PPP1R21: variants seen among roughly 807,000 people sequenced by gnomAD.
The protein encoded by PPP1R21 is protein phosphatase 1 regulatory subunit 21.
A neutral mutation model predicts 112.8 loss-of-function variants in PPP1R21; 85 were observed. The ratio of observed to expected loss-of-function variants is 0.75; its 90% CI spans 0.63 to 0.90. The LOEUF is 0.90. PPP1R21 is among the 40% of genes least tolerant of loss of function. The pLI, the probability that PPP1R21 is intolerant of heterozygous loss-of-function variation, is 0.00. For synonymous variants in PPP1R21, 381 were observed against 322.3 expected (o/e 1.18, Z -1.95); for missense variants, 1,199 against 901.5 (o/e 1.33, Z -4.23).
Position 48,514,977 on chromosome 2 carries a change from G to A in PPP1R21, c.*233G>A, listed in dbSNP as rs1438485478. Reference sequence around the variant, plus strand: ...AAATGGAAAACAATACGTATGTCATGGATATTGTAGGTTTCCTTATGCTGT... The same window carrying A: ...AAATGGAAAACAATACGTATGTCATAGATATTGTAGGTTTCCTTATGCTGT... On this transcript the variant is annotated 3_prime_UTR_variant, in exon 22 of 22. Coordinates refer to ENST00000294952, the MANE Select transcript of PPP1R21 (RefSeq NM_001135629.3). 10 of 507,284 alleles carry A rather than the reference G, an allele frequency of 2.0e-5. No homozygotes were observed. The highest frequency in any genetic ancestry group is 3.5e-5 in the Non-Finnish European group (10 of 289,164). The allele number at this position is 507,284 out of a possible 1,614,324, so 31.4% of individuals were successfully genotyped here.
At chr2:48,461,321 C>T (rs1228641927) in intron 7 of PPP1R21, 89 bp downstream of exon 7, 10 of 1,369,686 alleles carry the variant, frequency 7.3e-6, no homozygotes, top group Non-Finnish European at 9.4e-6. Flanking sequence ...ATCTTTTGGG[C>T]AAAAAATTTA....
At chr2:48,470,294 G>C (rs1668441856) in intron 9 of PPP1R21, among the ~76,000 whole-genome samples, 1 of 152,004 alleles carries the variant, frequency 6.6e-6, no homozygotes, top group Non-Finnish European at 1.5e-5. Flanking sequence ...GAGGTGGGTG[G>C]ATCACCTGAG....
chr2:48,447,682 C>G (rs528952212), intron 1 of PPP1R21, among the ~76,000 whole-genome samples: 26 of 152,306 alleles, frequency 1.7e-4, no homozygotes, highest in African/African-American at 6.0e-4. Context: ...GATGTGGTGA[C>G]TCATGACTGT....
intron 11 of PPP1R21, among the ~76,000 whole-genome samples, chr2:48,473,014 A>G (rs1229383204): frequency 1.3e-5 from 2 of 150,624 alleles, no homozygotes; most frequent in Admixed American, 6.6e-5. Flanking sequence ...AAAAAAAAAA[A>G]AAAAGAAAAG....
chr2:48,465,635 A>C lies in PPP1R21; in HGVS notation c.890A>C (p.Asn297Thr). Residue 297 changes from asparagine (N) to threonine (T), a missense_variant, in exon 9 of 22, where the codon AAT becomes ACT. Transcript: ENST00000294952. ...GCCATTGACACTATATCTCCATTGA[A>C]TCAGAAGGTAAATTTAATTCAGGAT... ...DSAIDTISPL[N>T]QKFSQYLHEN... 6.2e-7 allele frequency: 1 copy of C among 1,609,032 alleles called. No homozygotes were observed. The highest frequency in any genetic ancestry group is 8.5e-7 in the Non-Finnish European group (1 of 1,178,736).
intron 13 of PPP1R21, among the ~76,000 whole-genome samples, chr2:48,483,819 A>G (rs1225239139): frequency 6.6e-6 from 1 of 151,908 alleles, no homozygotes; most frequent in African/African-American, 2.4e-5. Flanking sequence ...CCAAAATGTC[A>G]ATTTAGTGTA....
chr2:48,472,646 T>G (rs1236171312), intron 11 of PPP1R21, among the ~76,000 whole-genome samples: 1 of 151,416 alleles, frequency 6.6e-6, no homozygotes, highest in African/African-American at 2.4e-5. Context: ...AAAGGTTAAT[T>G]ACTTACAGAT....
intron 15 of PPP1R21, among the ~76,000 whole-genome samples, chr2:48,491,382 A>G (rs750910663): frequency 1.6e-4 from 25 of 152,162 alleles, no homozygotes; most frequent in Non-Finnish European, 2.9e-4. Flanking sequence ...TTCGTAGGCC[A>G]TGTTGGACTC....
At position 48,450,994 on chromosome 2, in the gene PPP1R21, TTC is replaced by T. The variant is rs1667445304; in HGVS notation, c.58-10_58-9del. On this transcript the variant is annotated splice_polypyrimidine_tract_variant and intron_variant, in intron 1 of 21. Coordinates refer to ENST00000294952, the MANE Select transcript of PPP1R21 (RefSeq NM_001135629.3). ...TTTATATTAGAAATTGATTATTGCT[TTC>T]TCTGTTTTCAGCTTCGGGCTCAGAA... The T allele has an allele frequency of 1.9e-6, 3 of 1,611,704 alleles. No individual in the cohort carries two copies. Among genetic ancestry groups the T allele is most frequent in the Non-Finnish European group, 2.5e-6 (3 of 1,178,000 alleles).
At position 48,440,812 on chromosome 2, in the gene PPP1R21, CGCGGCGGCG is replaced by C. The variant is rs34664331; in HGVS notation, c.-127_-119del. ...GGGAACCCGGAAGTGGAGGAGGAGG[CGCGGCGGCG>C]GCGGCGGCGGCGGCTGCGGTGGCCA... On this transcript the variant is annotated 5_prime_UTR_variant, in exon 1 of 22. Transcript: ENST00000294952. 2.5e-4 allele frequency: 155 copies of C among 626,736 alleles called. No homozygotes were observed. The highest frequency in any genetic ancestry group is 1.9e-3 in the African/African-American group (97 of 51,472). The allele number at this position is 626,736 out of a possible 1,614,324, so 38.8% of individuals were successfully genotyped here.
chr2:48,477,448 G>T (rs1219114296), intron 12 of PPP1R21, among the ~76,000 whole-genome samples: 5 of 152,110 alleles, frequency 3.3e-5, no homozygotes, highest in Non-Finnish European at 5.9e-5. Flanking sequence ...TATGGTGCCT[G>T]TGCCTATGCA....
chr2:48,461,224 A>G lies in PPP1R21; in HGVS notation c.686A>G (p.Asn229Ser), dbSNP rs758906377. 5.1e-6 allele frequency: 8 copies of G among 1,578,314 alleles called. No homozygotes were observed. Among genetic ancestry groups the G allele is most frequent in the South Asian group, 1.2e-5 (1 of 83,284 alleles). The change falls in exon 7 of 22, where the codon AAT becomes AGT. Residue 229 changes from asparagine (N) to serine (S), a missense_variant. By Grantham distance (46) the Asn-to-Ser change is conservative. Coordinates refer to ENST00000294952, the MANE Select transcript of PPP1R21 (RefSeq NM_001135629.3). ...ATCATCAATGAAAAAGTACCTTTTAATGATACAAGTAGGTATTATGTACAG... is the reference window on the plus strand; with the variant it reads ...ATCATCAATGAAAAAGTACCTTTTAGTGATACAAGTAGGTATTATGTACAG... Reference protein sequence around the residue: ...LSIINEKVPFNDTKYSQYNAL... With the variant: ...LSIINEKVPFSDTKYSQYNAL...
At chr2:48,510,993 C>T (rs950746545) in intron 20 of PPP1R21, among the ~76,000 whole-genome samples, 8 of 152,108 alleles carry the variant, frequency 5.3e-5, no homozygotes, top group Admixed American at 4.6e-4. Context: ...GTCAATTGAT[C>T]AGATAGACCA....
At chr2:48,497,267 C>A (rs989064261) in intron 16 of PPP1R21, among the ~76,000 whole-genome samples, 1 of 152,162 alleles carries the variant, frequency 6.6e-6, no homozygotes, top group African/African-American at 2.4e-5. Flanking sequence ...TGGGGAAATA[C>A]CCCACATATT....
intron 1 of PPP1R21, among the ~76,000 whole-genome samples, chr2:48,448,002 A>C (rs1667322711): frequency 6.6e-6 from 1 of 152,102 alleles, no homozygotes; most frequent in Non-Finnish European, 1.5e-5. Context: ...CAGGCTAATA[A>C]GAGCAGCTCA....
intron 16 of PPP1R21, among the ~76,000 whole-genome samples, chr2:48,497,797 G>C (rs777061567): frequency 1.3e-3 from 197 of 151,920 alleles, no homozygotes; most frequent in Middle Eastern, 3.4e-3. Flanking sequence ...GACTACAGGC[G>C]CCCGCCGCCA....
chr2:48,465,438 C>G (rs950060609), intron 8 of PPP1R21, 55 bp from the exon 9 acceptor site: 3 of 1,509,642 alleles, frequency 2.0e-6, no homozygotes, highest in Non-Finnish European at 2.7e-6. Context: ...CAATAAAGTT[C>G]TTTTAGGATA....
At chr2:48,461,732 A>G (rs1667986741) in intron 7 of PPP1R21, among the ~76,000 whole-genome samples, 1 of 152,228 alleles carries the variant, frequency 6.6e-6, no homozygotes, top group South Asian at 2.1e-4. Flanking sequence ...AAAAAATACT[A>G]CTTTACATGT....
At position 48,461,895 on chromosome 2, in the gene PPP1R21, C is replaced by T. The variant is rs547438642; in HGVS notation, c.694+663C>T. Among the ~76,000 whole-genome samples the T allele has an allele frequency of 3.1e-4, 47 of 151,970 alleles. 1 individual carries two copies. Among genetic ancestry groups the T allele is most frequent in the African/African-American group, 1.1e-3 (47 of 41,456 alleles). On this transcript the variant is annotated intron_variant, in intron 7 of 21. Transcript: ENST00000294952. The stretch of plus-strand genomic sequence containing the variant: ...ATGATTGAAATTAATATTTTACTTC[C>T]CCTAAATTTTTTTAGGGAAGACCTA...
Sources: gnomAD v4.1 joint callset for allele counts (sites outside exome capture counted in the v4.1 genomes callset) on GRCh38, gnomAD v4.1.1 for gene constraint, MANE v1.5 for transcripts, NCBI Gene and HGNC (gene_info 2026-07-23, HGNC 2026-07-21) for gene names.